PALMD: variants seen among roughly 807,000 people sequenced by gnomAD.
PALMD encodes paralemmin-like protein.
In PALMD, 42 loss-of-function variants were observed where a neutral mutation model predicts 56.2. The ratio of observed to expected loss-of-function variants is 0.75; its 90% CI spans 0.58 to 0.97. The LOEUF is 0.97. Ranked by LOEUF, PALMD falls within the 50% of genes least tolerant of loss-of-function variation. The probability of loss-of-function intolerance (pLI) is 0.00; values close to 1 mark genes in which losing one functional copy is unlikely to be tolerated. For synonymous variants in PALMD, 242 were observed against 222.9 expected, an observed-to-expected ratio of 1.09 and a Z score of -0.76; for missense variants, 660 against 643.8, an observed-to-expected ratio of 1.03 and a Z score of -0.27.
At chr1:99,648,991 A>G (rs1652507984) in intron 1 of PALMD, among the ~76,000 whole-genome samples, 1 of 152,028 alleles carries the variant, frequency 6.6e-6, no homozygotes, top group African/African-American at 2.4e-5. Context: ...TTCATTTCTC[A>G]TATCAGATCA....
At chr1:99,676,416 G>A (rs1557671991) in intron 3 of PALMD, among the ~76,000 whole-genome samples, 2 of 151,934 alleles carry the variant, frequency 1.3e-5, no homozygotes, top group Non-Finnish European at 1.5e-5. Flanking sequence ...GTAGATGTAG[G>A]GGGTACAAGT....
At chr1:99,653,472 G>T (rs528469233) in intron 1 of PALMD, among the ~76,000 whole-genome samples, 1 of 152,146 alleles carries the variant, frequency 6.6e-6, no homozygotes, top group South Asian at 2.1e-4. Flanking sequence ...GTGTTGTAAG[G>T]TTGGGAAAGA....
At chr1:99,655,873 C>T (rs767845233) in intron 1 of PALMD, among the ~76,000 whole-genome samples, 101 of 152,010 alleles carry the variant, frequency 6.6e-4, no homozygotes, top group Admixed American at 4.6e-4. Flanking sequence ...TTTGATATTA[C>T]GCTATGTATC....
intron 1 of PALMD, among the ~76,000 whole-genome samples, chr1:99,653,790 C>T (rs556119243): frequency 5.3e-5 from 8 of 152,276 alleles, no homozygotes; most frequent in African/African-American, 1.9e-4. Flanking sequence ...AGAGTTCTGA[C>T]ATAATGTACC....
At position 99,688,479 on chromosome 1, in the gene PALMD, T is replaced by TC. The variant is rs1653564679; in HGVS notation, c.515-292dup. ...TAGGAAAGAGGATATCTTTTTCGGT[T>TC]CCCCATTGAAATTCTTTCCTATTTG... On this transcript the variant is annotated intron_variant, in intron 6 of 7. Coordinates refer to ENST00000263174, the MANE Select transcript of PALMD (RefSeq NM_017734.5). Among the ~76,000 whole-genome samples, 3 of 152,072 alleles carry TC rather than the reference T, an allele frequency of 2.0e-5. No homozygotes were observed. The South Asian group carries it at 6.2e-4, about 32-fold the overall frequency.
intron 3 of PALMD, among the ~76,000 whole-genome samples, chr1:99,675,419 A>G (rs1653177580): frequency 6.6e-6 from 1 of 152,250 alleles, no homozygotes; most frequent in Non-Finnish European, 1.5e-5. Context: ...TACCAGAATC[A>G]TGGATAAGTA....
Position 99,662,322 on chromosome 1 carries a change from A to G in PALMD, c.49A>G (p.Lys17Glu), listed in dbSNP as rs188162554. 3.3e-6 allele frequency: 5 copies of G among 1,505,200 alleles called. No individual in the cohort carries two copies. In the East Asian group the frequency reaches 9.1e-5, roughly 27 times the overall value. 93.2% of individuals were successfully genotyped at this position (1,505,200 alleles called of 1,614,324 possible). A position where few individuals can be genotyped will look rare whatever the true frequency, so the allele number is the denominator to read the frequency against. Residue 17 changes from lysine to glutamate, a missense_variant, in exon 2 of 8, where the codon AAA becomes GAA. Physicochemically the swap from Lys to Glu is moderately conservative, Grantham distance 56. Transcript: ENST00000263174. The stretch of plus-strand genomic sequence containing the variant: ...TACTGGAACTTTTTTATTTCAGGAT[A>G]AAAGAAAAATACAGGAAGAAATCTC... The part of the protein sequence containing the change: ...VKGRLQAITD[K>E]RKIQEEISQK...
chr1:99,649,045 A>C (rs1269087952), intron 1 of PALMD, among the ~76,000 whole-genome samples: 1 of 152,216 alleles, frequency 6.6e-6, no homozygotes, highest in Non-Finnish European at 1.5e-5. Flanking sequence ...TCAAAGATTT[A>C]AAGAGAATAA....
chr1:99,657,528 C>T (rs1468901242), intron 1 of PALMD, among the ~76,000 whole-genome samples: 1 of 152,164 alleles, frequency 6.6e-6, no homozygotes, highest in Non-Finnish European at 1.5e-5. Context: ...AACTGAGTGT[C>T]CTCTTCGTGT....
At chr1:99,647,041 G>A (rs1289338585) in intron 1 of PALMD, among the ~76,000 whole-genome samples, 8 of 152,006 alleles carry the variant, frequency 5.3e-5, no homozygotes, top group African/African-American at 9.7e-5. Context: ...AAGGAAAATC[G>A]TACATTTTTT....
At chr1:99,673,251 T>C (rs966445865) in intron 3 of PALMD, among the ~76,000 whole-genome samples, 11 of 152,204 alleles carry the variant, frequency 7.2e-5, no homozygotes, top group African/African-American at 2.4e-4. Flanking sequence ...TTATCATTTA[T>C]CAAAGTTTAT....
chr1:99,685,146 A>G (rs1305972251), intron 3 of PALMD: 1 of 151,390 alleles, frequency 6.6e-6, no homozygotes, highest in Non-Finnish European at 1.5e-5. Context: ...CATATACATC[A>G]TCTCTTAGTG....
intron 7 of PALMD, among the ~76,000 whole-genome samples, chr1:99,691,768 G>T (rs992529482): frequency 6.6e-6 from 1 of 152,000 alleles, no homozygotes; most frequent in Non-Finnish European, 1.5e-5. Flanking sequence ...TCACCATTTA[G>T]GTCAATTCCT....
At chr1:99,683,176 C>T (rs929983520) in intron 3 of PALMD, 1 of 148,474 alleles carries the variant, frequency 6.7e-6, no homozygotes, top group African/African-American at 2.5e-5. Context: ...GAAACGAACA[C>T]CCTATGAAGT....
intron 1 of PALMD, among the ~76,000 whole-genome samples, chr1:99,661,282 C>A (rs920272231): frequency 1.3e-5 from 2 of 152,136 alleles, no homozygotes; most frequent in Non-Finnish European, 2.9e-5. Flanking sequence ...GAAATAAAGA[C>A]CTTTTTGCAT....
At chr1:99,678,966 T>TAAA (rs34330678) in intron 3 of PALMD, among the ~76,000 whole-genome samples, 6 of 140,616 alleles carry the variant, frequency 4.3e-5, no homozygotes, top group South Asian at 2.3e-4. Context: ...CCTTGACTCT[T>TAAA]AAAAAAAAAA....
At chr1:99,668,234 A>C (rs1047789925) in intron 3 of PALMD, 47 of 153,828 alleles carry the variant, frequency 3.1e-4, no homozygotes, top group African/African-American at 9.9e-4. Flanking sequence ...CTTCCATATG[A>C]ATTTCTAAAA....
intron 1 of PALMD, among the ~76,000 whole-genome samples, chr1:99,657,775 G>A (rs917358222): frequency 2.6e-5 from 4 of 152,070 alleles, no homozygotes; most frequent in African/African-American, 9.7e-5. Flanking sequence ...CAGACTTGCT[G>A]TTCTAAGTAA....
At chr1:99,686,498 T>G (rs143795738) in intron 3 of PALMD, 178 bp from the exon 4 acceptor site, 1 of 401,702 alleles carries the variant, frequency 2.5e-6, no homozygotes, top group African/African-American at 2.1e-5. Context: ...GCATTAGGTA[T>G]CTTCCATATA....
Sources: allele counts gnomAD v4.1 joint callset (sites outside exome capture counted in the v4.1 genomes callset), GRCh38; gene constraint gnomAD v4.1.1; transcripts MANE v1.5; gene names NCBI Gene and HGNC (gene_info 2026-07-23, HGNC 2026-07-21).